SH3GL1: variants seen among roughly 807,000 people sequenced by gnomAD.
SH3GL1 encodes SH3 domain containing GRB2 like 1, endophilin A2, also known as endophilin-A2.
SH3GL1 carries 21 observed loss-of-function variants against 48.8 expected under a neutral mutation model. That is an observed-to-expected ratio of 0.43 (90% CI 0.30 to 0.62). SH3GL1 has a LOEUF of 0.62. SH3GL1 is among the 20% of genes least tolerant of loss of function. The pLI, the probability that SH3GL1 is intolerant of heterozygous loss-of-function variation, is 0.11. For synonymous variants in SH3GL1, 282 were observed against 217.5 expected (o/e 1.30, Z -2.61); for missense variants, 454 against 503.0 (o/e 0.90, Z 0.93).
intron 1 of SH3GL1, among the ~76,000 whole-genome samples, chr19:4,393,481 T>C (rs373645593): frequency 1.3e-5 from 2 of 151,720 alleles, no homozygotes; most frequent in African/African-American, 4.8e-5. Context: ...ACTCAGTCTC[T>C]ACAAAAAAAT....
chr19:4,364,185 C>A lies in SH3GL1; in HGVS notation c.368G>T (p.Arg123Leu). ...CAGGGAGTCCTTCACCTCTGCCAGG[C>A]GCTTCATGGACTCGCCGGCATCCAG... Reference protein sequence around the residue: ...ALLDAGESMKRLAEVKDSLDI... With the variant: ...ALLDAGESMKLLAEVKDSLDI... Residue 123 changes from arginine (R) to leucine (L), a missense_variant, in exon 5 of 10, where the codon CGC becomes CTC. Arg to Leu is a moderately radical substitution (Grantham distance 102, BLOSUM62 -2). Around this residue, in one of 2 missense-constraint regions of SH3GL1, gnomAD observed 176 missense variants for 256.2 expected, o/e 0.69. Transcript: ENST00000269886. The A allele has an allele frequency of 6.2e-7, 1 of 1,613,868 alleles. No homozygotes were observed. The highest frequency in any genetic ancestry group is 8.5e-7 in the Non-Finnish European group (1 of 1,180,016).
At chr19:4,365,942 CG>C (rs1383022425) in intron 3 of SH3GL1, among the ~76,000 whole-genome samples, 2 of 152,062 alleles carry the variant, frequency 1.3e-5, no homozygotes, top group Non-Finnish European at 2.9e-5. Flanking sequence ...TGATGTGCAG[CG>C]GGGGGTGGTT....
chr19:4,372,798 C>G (rs752017415), intron 1 of SH3GL1, among the ~76,000 whole-genome samples: 1 of 152,152 alleles, frequency 6.6e-6, no homozygotes, highest in African/African-American at 2.4e-5. Context: ...CCTTCGTGTC[C>G]CCTTTTCCAT....
intron 1 of SH3GL1, among the ~76,000 whole-genome samples, chr19:4,394,820 C>T (rs983081124): frequency 1.3e-5 from 2 of 152,344 alleles, no homozygotes; most frequent in Admixed American, 6.5e-5. Context: ...ACTCTACTGA[C>T]GTAGGGCTGG....
intron 9 of SH3GL1, 104 bp from the exon 10 acceptor site, chr19:4,361,900 C>T (rs1972627140): frequency 1.2e-6 from 1 of 833,588 alleles, no homozygotes; most frequent in Non-Finnish European, 1.9e-6. Flanking sequence ...TGGGCATGGG[C>T]CTCCCCTCTG....
chr19:4,371,219 A>G, intron 1 of SH3GL1, among the ~76,000 whole-genome samples: 1 of 152,256 alleles, frequency 6.6e-6, no homozygotes, highest in East Asian at 1.9e-4. Context: ...CACAGAACAG[A>G]GAATACAAGG....
At position 4,371,558 on chromosome 19, in the gene SH3GL1, T is replaced by G. The variant is rs563423197; in HGVS notation, c.46-4564A>C. 2.0e-5 allele frequency among the ~76,000 whole-genome samples: 3 copies of G among 152,322 alleles called. No homozygotes were observed. In the East Asian group the frequency reaches 5.8e-4, roughly 29 times the overall value. On this transcript the variant is annotated intron_variant, in intron 1 of 9. Coordinates refer to ENST00000269886, the MANE Select transcript of SH3GL1 (RefSeq NM_003025.4). ...TGATGAATTCACAGGGTTTTGTTTT[T>G]TTTTCTCTTTTAAAGAAGAAAGCCA...
chr19:4,364,365 G>T (rs540039854), intron 4 of SH3GL1, 144 bp from the exon 5 acceptor site: 1 of 1,057,560 alleles, frequency 9.5e-7, no homozygotes, highest in East Asian at 2.5e-5. Context: ...CTCAAACTGG[G>T]CTCAAGCCAT....
In SH3GL1 at chr19:4,366,918, TTCC is replaced by T; in HGVS notation, c.114+5_114+7del. The T allele has an allele frequency of 6.2e-7, 1 of 1,613,580 alleles. No individual in the cohort carries two copies. The highest frequency in any genetic ancestry group is 8.5e-7 in the Non-Finnish European group (1 of 1,179,556). On this transcript the variant is annotated splice_donor_5th_base_variant and intron_variant, in intron 2 of 9. Transcript: ENST00000269886. ...ACCACCACACAGAGCACGCAGTTTCTTCCTCACCTTCTCCATCTCTTTGAAGTC... is the reference window on the plus strand; with the variant it reads ...ACCACCACACAGAGCACGCAGTTTCTTCACCTTCTCCATCTCTTTGAAGTC...
At chr19:4,374,076 G>A (rs939458488) in intron 1 of SH3GL1, among the ~76,000 whole-genome samples, 1 of 152,226 alleles carries the variant, frequency 6.6e-6, no homozygotes, top group Non-Finnish European at 1.5e-5. Flanking sequence ...GCAGCGAGCC[G>A]ATGTCATTTG....
intron 1 of SH3GL1, among the ~76,000 whole-genome samples, chr19:4,375,165 G>A (rs11085073): frequency 0.18 from 27,525 of 152,158 alleles, 3,009 homozygotes; most frequent in Admixed American, 0.26. Context: ...TCTGTGGTGC[G>A]AGGCTGACCC....
Position 4,361,668 on chromosome 19 carries a change from T to G in SH3GL1, c.1039A>C (p.Met347Leu). The G allele has an allele frequency of 6.2e-7, 1 of 1,612,476 alleles. No homozygotes were observed. The highest frequency in any genetic ancestry group is 2.2e-5 in the East Asian group (1 of 44,888). The change falls in exon 10 of 10, where the codon ATG (methionine) becomes CTG (leucine). Residue 347 changes from methionine to leucine, a missense_variant. By Grantham distance (15) the Met-to-Leu change is conservative (BLOSUM62 2). Around this residue, in one of 2 missense-constraint regions of SH3GL1, gnomAD observed 278 missense variants for 246.8 expected, o/e 1.13. Transcript: ENST00000269886. ...AAGAAGCCCGACTGGCCGTCCAGCA[T>G]GCCCTCGTACCAGTTCTCATCGATC... The part of the protein sequence containing the change: ...NQIDENWYEG[M>L]LDGQSGFFPL...
intron 4 of SH3GL1, chr19:4,364,499 C>A (rs1972717068): frequency 2.3e-6 from 1 of 435,114 alleles, no homozygotes; most frequent in East Asian, 4.7e-5. Flanking sequence ...GGCATGATCT[C>A]AGCTCACTGC....
chr19:4,370,720 C>T (rs996382727), intron 1 of SH3GL1, among the ~76,000 whole-genome samples: 1 of 152,270 alleles, frequency 6.6e-6, no homozygotes, highest in Non-Finnish European at 1.5e-5. Context: ...GCCGGCTGGC[C>T]TCCCACAGAG....
intron 1 of SH3GL1, among the ~76,000 whole-genome samples, chr19:4,396,339 C>T (rs988782918): frequency 6.6e-6 from 1 of 152,140 alleles, no homozygotes; most frequent in Non-Finnish European, 1.5e-5. Context: ...GCGGAGGTTG[C>T]AGTGAGCCGA....
At chr19:4,387,583 G>A (rs1025717032) in intron 1 of SH3GL1, among the ~76,000 whole-genome samples, 1 of 152,026 alleles carries the variant, frequency 6.6e-6, no homozygotes, top group Non-Finnish European at 1.5e-5. Flanking sequence ...GAATCACCAC[G>A]TCCAGCCCGA....
rs1000315471 is a variant in SH3GL1 at position 4,400,545 on chromosome 19, A to G, written c.-177T>C. 62 of 298,248 alleles carry G rather than the reference A, an allele frequency of 2.1e-4. No homozygotes were observed. The highest frequency in any genetic ancestry group is 1.3e-3 in the African/African-American group (56 of 42,380). 18.5% of individuals were successfully genotyped at this position (298,248 alleles called of 1,614,324 possible). A position where few individuals can be genotyped will look rare whatever the true frequency, so the allele number is the denominator to read the frequency against. On this transcript the variant is annotated 5_prime_UTR_variant, in exon 1 of 10. Transcript: ENST00000269886. This position sits in a 1 kb window ranked among gnomAD's most constrained non-coding sequence, Gnocchi z 4.1. The stretch of plus-strand genomic sequence containing the variant: ...GCTCGCGCGCCCGCGCGGCCAGGAT[A>G]TTACATGGCAACCGCACGCTTCCGG...
In SH3GL1 at chr19:4,367,746, C is replaced by T. The variant is rs932541952; in HGVS notation, c.46-752G>A. On this transcript the variant is annotated intron_variant, in intron 1 of 9. Coordinates refer to ENST00000269886, the MANE Select transcript of SH3GL1 (RefSeq NM_003025.4). The surrounding 1 kb of genome is among the most constrained non-coding windows in gnomAD (Gnocchi z 4.2). Reference sequence around the variant, plus strand: ...CCCAAACCACTCCCTCTGACAGCGCCTGGGATGCGAAAAACAGCCCTGAAA... The same window carrying T: ...CCCAAACCACTCCCTCTGACAGCGCTTGGGATGCGAAAAACAGCCCTGAAA... Among the ~76,000 whole-genome samples, 1 of 152,234 alleles carries T rather than the reference C, an allele frequency of 6.6e-6. No homozygotes were observed. The highest frequency in any genetic ancestry group is 2.4e-5 in the African/African-American group (1 of 41,454).
chr19:4,364,377 C>G, intron 4 of SH3GL1, 156 bp from the exon 5 acceptor site: 1 of 901,646 alleles, frequency 1.1e-6, no homozygotes, highest in South Asian at 1.6e-5. Flanking sequence ...TCAAGCCATG[C>G]TGGCACCTCA....
Sources: allele counts gnomAD v4.1 joint callset (sites outside exome capture counted in the v4.1 genomes callset), GRCh38; gene constraint gnomAD v4.1.1; regional missense constraint gnomAD v4.1.1; non-coding constraint Gnocchi (gnomAD v3.1); transcripts MANE v1.5; gene names NCBI Gene and HGNC (gene_info 2026-07-23, HGNC 2026-07-21).